RYR2: variants seen among roughly 807,000 people sequenced by gnomAD.
The protein encoded by RYR2 is cardiac muscle ryanodine receptor-calcium release channel.
RYR2 carries 227 observed loss-of-function variants against 601.1 expected under a neutral mutation model. The ratio of observed to expected loss-of-function variants is 0.38; its 90% confidence interval spans 0.34 to 0.42. The LOEUF is 0.42. Among genes scored for constraint, RYR2 ranks in the 10% least tolerant of loss-of-function variants. The pLI, the probability that RYR2 is intolerant of heterozygous loss-of-function variation, is 1.00. For missense variants in RYR2, 4,646 were observed against 6,156.5 expected (o/e 0.75, Z 8.21); for synonymous variants, 2,223 against 2,175.1 (o/e 1.02, Z -0.61).
At chr1:237,331,279 T>C (rs928987881) in intron 3 of RYR2, among the ~76,000 whole-genome samples, 1 of 152,210 alleles carries the variant, frequency 6.6e-6, no homozygotes, top group African/African-American at 2.4e-5. Flanking sequence ...TTCAGAGCTG[T>C]TATTGTTATT....
chr1:237,662,809 G>A (rs1683931983), intron 56 of RYR2, among the ~76,000 whole-genome samples: 1 of 152,210 alleles, frequency 6.6e-6, no homozygotes, highest in African/African-American at 2.4e-5. Flanking sequence ...GGCGATGCTT[G>A]TGCCAGAGGC....
At chr1:237,754,591 G>A (rs551212855) in intron 80 of RYR2, among the ~76,000 whole-genome samples, 101 of 152,252 alleles carry the variant, frequency 6.6e-4, no homozygotes, top group African/African-American at 2.4e-3. Flanking sequence ...AGTTTCATGA[G>A]CGAATAATTT....
intron 10 of RYR2, among the ~76,000 whole-genome samples, chr1:237,389,983 G>T (rs1702246295): frequency 6.6e-6 from 1 of 152,170 alleles, no homozygotes; most frequent in Non-Finnish European, 1.5e-5. Context: ...GCCTAATCAG[G>T]CAGGGGGCTG....
At chr1:237,514,601 G>C (rs1347854255) in intron 24 of RYR2, among the ~76,000 whole-genome samples, 1 of 152,162 alleles carries the variant, frequency 6.6e-6, no homozygotes. Context: ...TTTAGAGAAA[G>C]TACAGTACTT....
chr1:237,298,688 C>T (rs1337596374), intron 2 of RYR2, among the ~76,000 whole-genome samples: 2 of 151,884 alleles, frequency 1.3e-5, no homozygotes, highest in Admixed American at 6.6e-5. Flanking sequence ...TTCTATATGA[C>T]AGAAAAATAT....
At chr1:237,128,073 A>G (rs1174615112) in intron 1 of RYR2, among the ~76,000 whole-genome samples, 1 of 152,118 alleles carries the variant, frequency 6.6e-6, no homozygotes, top group Non-Finnish European at 1.5e-5. Flanking sequence ...AGATCACGCC[A>G]CTGCACTCCA....
intron 50 of RYR2, 107 bp from the exon 51 acceptor site, chr1:237,651,304 G>A: frequency 1.3e-6 from 1 of 747,670 alleles, no homozygotes; most frequent in Non-Finnish European, 2.4e-6. Flanking sequence ...ACCATCTGAA[G>A]TGAGGTATAG....
At chr1:237,354,583 A>G (rs1699137506) in intron 3 of RYR2, among the ~76,000 whole-genome samples, 1 of 152,036 alleles carries the variant, frequency 6.6e-6, no homozygotes, top group Non-Finnish European at 1.5e-5. Context: ...GCCCTTTTAG[A>G]GGTAGAAAAG....
chr1:237,468,818 T>A (rs1284898630), intron 16 of RYR2, among the ~76,000 whole-genome samples: 2 of 152,242 alleles, frequency 1.3e-5, no homozygotes, highest in African/African-American at 4.8e-5. Context: ...GTTTTTCCAT[T>A]ACCCTTTACT....
At chr1:237,578,725 G>A (rs1432484333) in intron 29 of RYR2, among the ~76,000 whole-genome samples, 2 of 77,006 alleles carry the variant, frequency 2.6e-5, no homozygotes, top group South Asian at 8.2e-4. Flanking sequence ...GGTGGTGGGA[G>A]TGGGGGCATG....
At chr1:237,272,379 C>T (rs1689786436) in intron 2 of RYR2, among the ~76,000 whole-genome samples, 1 of 151,618 alleles carries the variant, frequency 6.6e-6, no homozygotes, top group Admixed American at 6.6e-5. Flanking sequence ...GGCCATGTTT[C>T]AAGTAGTGGG....
intron 1 of RYR2, among the ~76,000 whole-genome samples, chr1:237,145,732 A>G (rs751289800): frequency 6.6e-6 from 1 of 152,220 alleles, no homozygotes; most frequent in Non-Finnish European, 1.5e-5. Flanking sequence ...ACCCTCCAGA[A>G]ATCAATAACT....
chr1:237,348,514 G>A (rs2149656230), intron 3 of RYR2, among the ~76,000 whole-genome samples: 1 of 152,298 alleles, frequency 6.6e-6, no homozygotes, highest in African/African-American at 2.4e-5. Flanking sequence ...TGATTACTAG[G>A]AGAGAGGGTG....
chr1:237,554,435 A>C (rs1420884383), intron 27 of RYR2, among the ~76,000 whole-genome samples: 2 of 151,920 alleles, frequency 1.3e-5, no homozygotes, highest in Non-Finnish European at 2.9e-5. Flanking sequence ...TTTATGGGCA[A>C]TACACTGGTA....
intron 17 of RYR2, among the ~76,000 whole-genome samples, chr1:237,484,990 A>G (rs1038331918): frequency 6.6e-6 from 1 of 152,254 alleles, no homozygotes; most frequent in African/African-American, 2.4e-5. Flanking sequence ...ATTTGCACGT[A>G]TTAAACATGC....
intron 1 of RYR2, among the ~76,000 whole-genome samples, chr1:237,156,278 C>T (rs901866772): frequency 6.6e-5 from 10 of 152,216 alleles, no homozygotes. Flanking sequence ...TACTAAATGC[C>T]ACCAAATTGT....
intron 1 of RYR2, among the ~76,000 whole-genome samples, chr1:237,058,553 TAAC>T (rs918639370): frequency 1.3e-5 from 2 of 152,230 alleles, no homozygotes; most frequent in Non-Finnish European, 2.9e-5. Flanking sequence ...TGTCTGCACT[TAAC>T]AACAGAGCAT....
chr1:237,541,451 T>C (rs973330457), intron 25 of RYR2, among the ~76,000 whole-genome samples: 1 of 152,224 alleles, frequency 6.6e-6, no homozygotes, highest in Non-Finnish European at 1.5e-5. Flanking sequence ...TTGTGCTCTA[T>C]TTAAAAACGT....
chr1:237,677,046 A>T (rs530205864), intron 60 of RYR2, among the ~76,000 whole-genome samples: 1 of 152,250 alleles, frequency 6.6e-6, no homozygotes, highest in South Asian at 2.1e-4. Context: ...ATTTTCTTTT[A>T]CTTGTTCATG....
Sources: gnomAD v4.1 joint callset for allele counts (sites outside exome capture counted in the v4.1 genomes callset) on GRCh38, gnomAD v4.1.1 for gene constraint, MANE v1.5 for transcripts, NCBI Gene and HGNC (gene_info 2026-07-23, HGNC 2026-07-21) for gene names.